Variants in EWSR1 observed in about 807,000 individuals in gnomAD.
EWSR1 encodes the protein RNA-binding protein EWS.
Under a neutral mutation model 92.1 loss-of-function variants are expected in EWSR1, and 14 were observed. That is an observed-to-expected ratio of 0.15 (90% CI 0.10 to 0.24). The LOEUF is 0.24. Ranked by LOEUF, EWSR1 falls within the 10% of genes least tolerant of loss-of-function variation. EWSR1 has a pLI of 1.00. For missense variants in EWSR1, 637 were observed against 870.9 expected (o/e 0.73, Z 3.38); for synonymous variants, 303 against 292.9 (o/e 1.03, Z -0.35).
intron 8 of EWSR1, chr22:29,289,616 A>G (rs1391160218): frequency 8.6e-6 from 2 of 232,290 alleles, no homozygotes; most frequent in East Asian, 6.1e-5. Context: ...TTCTGTCCCT[A>G]TATAAACTGG....
At chr22:29,298,608 A>G in intron 13 of EWSR1, 125 bp from the exon 14 acceptor site, 1 of 1,206,746 alleles carries the variant, frequency 8.3e-7, no homozygotes, top group Non-Finnish European at 1.2e-6. Flanking sequence ...ACACGGAAAC[A>G]CGGGACAGGT....
intron 1 of EWSR1, chr22:29,269,525 G>C (rs2058477223): frequency 6.6e-6 from 1 of 152,234 alleles, no homozygotes; most frequent in South Asian, 2.1e-4. Flanking sequence ...AGGCCACCTG[G>C]TTCCAGGCCT....
At chr22:29,299,452 T>C in intron 15 of EWSR1, 121 bp downstream of exon 15, 1 of 1,494,676 alleles carries the variant, frequency 6.7e-7, no homozygotes, top group Non-Finnish European at 8.9e-7. Context: ...CGTGTCCTCA[T>C]TTCTAAATTG....
chr22:29,299,590 T>C lies in EWSR1; in HGVS notation c.1679-9T>C. 6.3e-7 allele frequency: 1 copy of C among 1,582,868 alleles called. No individual in the cohort carries two copies. Among genetic ancestry groups the C allele is most frequent in the Non-Finnish European group, 8.6e-7 (1 of 1,160,992 alleles). On this transcript the variant is annotated splice_polypyrimidine_tract_variant and intron_variant, in intron 15 of 16. Coordinates refer to ENST00000397938, the MANE Select transcript of EWSR1 (RefSeq NM_005243.4). ...ACTGACTGCTTTCGCCCTGCTATTC[T>C]CACCTTAGGTGGTGATCGTGGCAGA...
chr22:29,299,939 T>C, intron 16 of EWSR1, 88 bp downstream of exon 16: 1 of 1,534,696 alleles, frequency 6.5e-7, no homozygotes, highest in Non-Finnish European at 8.8e-7. Context: ...TCCTCATGTC[T>C]CTAGGAAGCT....
intron 4 of EWSR1, chr22:29,274,574 C>A: frequency 5.0e-6 from 2 of 399,310 alleles, no homozygotes; most frequent in Non-Finnish European, 4.6e-6. Flanking sequence ...TGATTTTCCC[C>A]TGTTCCCTGA....
At chr22:29,282,316 C>A in intron 5 of EWSR1, 74 bp from the exon 6 acceptor site, 1 of 1,217,928 alleles carries the variant, frequency 8.2e-7, no homozygotes, top group Non-Finnish European at 1.1e-6. Context: ...AGCATTCTTA[C>A]CCAGGAGTTT....
rs75108416 is a variant in EWSR1, at chr22:29,270,653, T to G, written c.14-1563T>G. 3.8e-3 allele frequency among the ~76,000 whole-genome samples: 575 copies of G among 152,314 alleles called. 3 individuals are homozygous for G. The highest frequency in any genetic ancestry group is 0.013 in the African/African-American group (552 of 41,558). On this transcript the variant is annotated intron_variant, in intron 1 of 16. Coordinates refer to ENST00000397938, the MANE Select transcript of EWSR1 (RefSeq NM_005243.4). ...GTTTGATGTTTTACATAACTGCTCTTGCGTAAAAGTCGTCTTGCAAACGTT... is the reference window on the plus strand; with the variant it reads ...GTTTGATGTTTTACATAACTGCTCTGGCGTAAAAGTCGTCTTGCAAACGTT...
intron 16 of EWSR1, 79 bp downstream of exon 16, chr22:29,299,930 C>CCTCATGTCTCTAGGAAG: frequency 6.5e-7 from 1 of 1,540,390 alleles, no homozygotes; most frequent in Non-Finnish European, 8.7e-7. Context: ...TGGCGCAAGT[C>CCTCATGTCTCTAGGAAG]CTCATGTCTC....
chr22:29,268,432 A>G, intron 1 of EWSR1, 83 bp downstream of exon 1: 3 of 1,612,400 alleles, frequency 1.9e-6, no homozygotes, highest in African/African-American at 2.7e-5. Flanking sequence ...CTTGGCTGGG[A>G]AGACTGAGTG....
intron 5 of EWSR1, 40 bp downstream of exon 5, chr22:29,278,256 G>A: frequency 6.3e-7 from 1 of 1,588,356 alleles, no homozygotes; most frequent in Non-Finnish European, 8.6e-7. Context: ...TCTTATGTTG[G>A]AGGGAAAGAA....
rs754812668 is a variant in EWSR1, at chr22:29,296,321, C to A, written c.1247C>A (p.Ser416Tyr). The part of the protein sequence containing the change: ...TGKPKGDATV[S>Y]YEDPPTAKAA... Reference sequence around the variant, plus strand: ...AAGCCCAAAGGCGATGCCACAGTGTCCTATGAAGACCCACCCACTGCCAAG... The same window carrying A: ...AAGCCCAAAGGCGATGCCACAGTGTACTATGAAGACCCACCCACTGCCAAG... The change falls in exon 12 of 17, where the codon TCC becomes TAC. Residue 416 changes from serine (S) to tyrosine (Y), a missense_variant. Physicochemically the swap from Ser to Tyr is moderately radical, Grantham distance 144 (BLOSUM62 -2). Coordinates refer to ENST00000397938, the MANE Select transcript of EWSR1 (RefSeq NM_005243.4). 6.2e-7 allele frequency: 1 copy of A among 1,614,066 alleles called. No homozygotes were observed. Among genetic ancestry groups the A allele is most frequent in the Non-Finnish European group, 8.5e-7 (1 of 1,180,028 alleles).
intron 8 of EWSR1, 49 bp from the exon 9 acceptor site, chr22:29,291,513 T>C: frequency 6.3e-7 from 1 of 1,599,838 alleles, no homozygotes; most frequent in East Asian, 2.2e-5. Flanking sequence ...CTCAGAGCGG[T>C]ACTGGCTTTT....
Position 29,281,203 on chromosome 22 carries a change from C to T in EWSR1, c.414-1187C>T, listed in dbSNP as rs5997461. Among the ~76,000 whole-genome samples, 627 of 151,884 alleles carry T rather than the reference C, an allele frequency of 4.1e-3. 1 individual carries two copies. The highest frequency in any genetic ancestry group is 0.014 in the African/African-American group (597 of 41,416). On this transcript the variant is annotated intron_variant, in intron 5 of 16. Coordinates refer to ENST00000397938, the MANE Select transcript of EWSR1 (RefSeq NM_005243.4). ...CAATTTTTTGTATTTCTAGTAGAGA[C>T]GGGGTTTCTCCATGTTGGCCAGGCT...
rs116361976 is a variant in EWSR1 at position 29,279,699 on chromosome 22, C to T, written c.413+1483C>T. 9.5e-3 allele frequency among the ~76,000 whole-genome samples: 1,440 copies of T among 152,340 alleles called. 29 individuals are homozygous for T. Among genetic ancestry groups the T allele is most frequent in the African/African-American group, 0.033 (1,381 of 41,566 alleles). On this transcript the variant is annotated intron_variant, in intron 5 of 16. Transcript: ENST00000397938. ...GGTAAGAAATTAGCTCTGACAAACA[C>T]TCGTGAAATTACTTTTAAAATGCAC...
In EWSR1 at chr22:29,273,767, C is replaced by G. The variant is rs762485960; in HGVS notation, c.129C>G (p.Thr43=). The G allele has an allele frequency of 4.3e-6, 7 of 1,613,610 alleles. No homozygotes were observed. The highest frequency in any genetic ancestry group is 1.1e-5 in the South Asian group (1 of 91,050). Residue 43 remains threonine (T), a synonymous_variant, in exon 4 of 17, where the codon ACC becomes ACG. Transcript: ENST00000397938. ...TQAYGQQSYG[T]YGQPTDVSYT... ...CATATGGGCAACAAAGCTATGGAAC[C>G]TATGGACAGCCCACTGATGTCAGCT...
intron 9 of EWSR1, 185 bp from the exon 10 acceptor site, chr22:29,291,952 C>A: frequency 1.6e-6 from 1 of 621,726 alleles, no homozygotes; most frequent in Non-Finnish European, 2.8e-6. Context: ...AGGAAAAAAG[C>A]AAACCCTAGC....
chr22:29,300,388 T>TG lies in EWSR1; in HGVS notation c.*227_*228insG. The TG allele has an allele frequency of 2.1e-6, 1 of 482,892 alleles. No homozygotes were observed. Among genetic ancestry groups the TG allele is most frequent in the Non-Finnish European group, 3.7e-6 (1 of 269,072 alleles). 29.9% of individuals were successfully genotyped at this position (482,892 alleles called of 1,614,324 possible). A position where few individuals can be genotyped will look rare whatever the true frequency, so the allele number is the denominator to read the frequency against. On this transcript the variant is annotated 3_prime_UTR_variant, in exon 17 of 17. Transcript: ENST00000397938. ...CTTTTAAAAATGGTTGTTTAAGACT[T>TG]TAACAATGGGAACCCCTTGTGAGCA... is the stretch of plus-strand genomic sequence containing the variant.
chr22:29,272,711 T>C (rs1005323523), intron 3 of EWSR1, among the ~76,000 whole-genome samples: 1 of 152,208 alleles, frequency 6.6e-6, no homozygotes, highest in Non-Finnish European at 1.5e-5. Flanking sequence ...TATGTTTAAA[T>C]TTAGTGAATT....
Sources: allele counts gnomAD v4.1 joint callset (sites outside exome capture counted in the v4.1 genomes callset), GRCh38; gene constraint gnomAD v4.1.1; transcripts MANE v1.5; gene names NCBI Gene and HGNC (gene_info 2026-07-23, HGNC 2026-07-21).